The following USP4 variants were observed in gnomAD, a reference collection of about 807,000 sequenced individuals.
The protein encoded by USP4 is ubiquitin specific peptidase 4, also known as ubiquitin carboxyl-terminal hydrolase 4.
In USP4, 72 loss-of-function variants were observed where a neutral mutation model predicts 118.2. The ratio of observed to expected loss-of-function variants is 0.61; its 90% CI spans 0.50 to 0.74. The LOEUF is 0.74. USP4 is among the 30% of genes least tolerant of loss of function. The pLI, the probability that USP4 is intolerant of heterozygous loss-of-function variation, is 0.00. For missense variants in USP4, 1,037 were observed against 1,185.7 expected (o/e 0.87, Z 1.84); for synonymous variants, 415 against 440.4 (o/e 0.94, Z 0.72).
chr3:49,322,923 C>T (rs1339296998), intron 6 of USP4, among the ~76,000 whole-genome samples: 1 of 151,050 alleles, frequency 6.6e-6, no homozygotes, highest in African/African-American at 2.4e-5. Context: ...CAAATCTCTT[C>T]TCTCACTGTA....
At position 49,327,669 on chromosome 3, in the gene USP4, C is replaced by T; in HGVS notation, c.360+17G>A. ...TGCAGACAGTGACCAGCAGGTGGGA[C>T]AATTCACATAACTCACTTTTCTGAC... On this transcript the variant is annotated intron_variant, in intron 3 of 21. Transcript: ENST00000265560. The T allele has an allele frequency of 6.2e-7, 1 of 1,613,814 alleles. No individual in the cohort carries two copies. Among genetic ancestry groups the T allele is most frequent in the Non-Finnish European group, 8.5e-7 (1 of 1,179,816 alleles).
intron 6 of USP4, chr3:49,312,598 C>A (rs2047395390): frequency 5.2e-6 from 2 of 382,910 alleles, no homozygotes; most frequent in East Asian, 8.4e-5. Context: ...CCAGCCTGGG[C>A]AAAAAGAACG....
chr3:49,321,437 T>TA (rs1452987944), intron 6 of USP4, among the ~76,000 whole-genome samples: 1 of 152,130 alleles, frequency 6.6e-6, no homozygotes, highest in African/African-American at 2.4e-5. Context: ...TGGAATATTA[T>TA]AGATACTAGT....
chr3:49,289,562 G>A (rs2047130759), intron 15 of USP4, among the ~76,000 whole-genome samples: 1 of 152,088 alleles, frequency 6.6e-6, no homozygotes, highest in Non-Finnish European at 1.5e-5. Context: ...ATAACATTTC[G>A]GGCAAGAATA....
chr3:49,277,354 G>A lies in USP4; in HGVS notation c.*939C>T, dbSNP rs2046974464. 1.3e-6 allele frequency: 1 copy of A among 781,260 alleles called. No individual in the cohort carries two copies. The highest frequency in any genetic ancestry group is 7.3e-5 in the East Asian group (1 of 13,770). The allele number at this position is 781,260 out of a possible 1,614,324, so 48.4% of individuals were successfully genotyped here. ...CAGCGGCTGGCCCCGCGGTGGGAGT[G>A]GGGACGGGGCTTTCGAATGGGGGCC... is the stretch of plus-strand genomic sequence containing the variant. On this transcript the variant is annotated 3_prime_UTR_variant, in exon 22 of 22. Transcript: ENST00000265560.
At chr3:49,314,956 G>A (rs1475470837) in intron 6 of USP4, among the ~76,000 whole-genome samples, 1 of 151,996 alleles carries the variant, frequency 6.6e-6, no homozygotes, top group African/African-American at 2.4e-5. Context: ...ATTTCAGGGT[G>A]ATAGAAATTA....
intron 3 of USP4, 57 bp from the exon 4 acceptor site, chr3:49,325,902 A>G: frequency 3.1e-6 from 5 of 1,598,128 alleles, no homozygotes; most frequent in Non-Finnish European, 4.3e-6. Flanking sequence ...GCAGTCTTGG[A>G]TGTAGCATAT....
At chr3:49,278,790 A>C in intron 21 of USP4, 24 bp downstream of exon 21, 1 of 1,537,632 alleles carries the variant, frequency 6.5e-7, no homozygotes, top group Non-Finnish European at 8.9e-7. Flanking sequence ...CATGAGGAAG[A>C]ACCACATATC....
rs889283490 is a variant in USP4 at position 49,290,958 on chromosome 3, G to A, written c.1972+1552C>T. ...TGAACCACTGCACTCCAGACTGGGTGATAATCAAGACCCTACGCTTTTTTT... is the reference window on the plus strand; with the variant it reads ...TGAACCACTGCACTCCAGACTGGGTAATAATCAAGACCCTACGCTTTTTTT... On this transcript the variant is annotated intron_variant, in intron 15 of 21. Transcript: ENST00000265560. Among the ~76,000 whole-genome samples, 9 of 152,070 alleles carry A rather than the reference G, an allele frequency of 5.9e-5. No individual in the cohort carries two copies. The South Asian group carries it at 1.9e-3, about 32-fold the overall frequency.
rs2047180640 is a variant in USP4, at chr3:49,294,305, G to A, written c.1883+102C>T. 3 of 1,273,420 alleles carry A rather than the reference G, an allele frequency of 2.4e-6. No homozygotes were observed. In the South Asian group the frequency reaches 4.2e-5, roughly 18 times the overall value. 78.9% of individuals were successfully genotyped at this position (1,273,420 alleles called of 1,614,324 possible). A position where few individuals can be genotyped will look rare whatever the true frequency, so the allele number is the denominator to read the frequency against. ...CGGCAAATGCATTTCTTACAGAGGTGAGCATGTAGGATCAACACAGCCACT... is the reference window on the plus strand; with the variant it reads ...CGGCAAATGCATTTCTTACAGAGGTAAGCATGTAGGATCAACACAGCCACT... On this transcript the variant is annotated intron_variant, in intron 14 of 21. Transcript: ENST00000265560.
chr3:49,318,186 C>G (rs986790446), intron 6 of USP4: 2 of 367,232 alleles, frequency 5.4e-6, no homozygotes, highest in African/African-American at 2.2e-5. Flanking sequence ...CTAGGATGGT[C>G]TCAAACTCCT....
chr3:49,331,284 C>T lies in USP4; in HGVS notation c.230-3468G>A, dbSNP rs1196852387. On this transcript the variant is annotated intron_variant, in intron 2 of 21. Transcript: ENST00000265560. ...GTGGTGAGCCAAGATCGCACCATTGCACTCCAGCCTGGGCAAAAGAGCAAA... is the reference window on the plus strand; with the variant it reads ...GTGGTGAGCCAAGATCGCACCATTGTACTCCAGCCTGGGCAAAAGAGCAAA... Among the ~76,000 whole-genome samples, 3 of 151,550 alleles carry T rather than the reference C, an allele frequency of 2.0e-5. No individual in the cohort carries two copies. The East Asian group carries it at 5.8e-4, about 30-fold the overall frequency.
intron 15 of USP4, 128 bp from the exon 16 acceptor site, chr3:49,286,453 C>A: frequency 2.1e-6 from 2 of 932,252 alleles, no homozygotes; most frequent in Non-Finnish European, 3.2e-6. Context: ...TAAATCTATT[C>A]CTTTGCATTT....
chr3:49,284,529 A>G lies in USP4; in HGVS notation c.2327T>C (p.Val776Ala). The G allele has an allele frequency of 6.2e-7, 1 of 1,614,122 alleles. No individual in the cohort carries two copies. Among genetic ancestry groups the G allele is most frequent in the Non-Finnish European group, 8.5e-7 (1 of 1,180,020 alleles). The change falls in exon 18 of 22, where the codon GTG becomes GCG. Residue 776 changes from valine to alanine, a missense_variant. By Grantham distance (64) the Val-to-Ala change is moderately conservative. This residue lies in a region of USP4 where 522 missense variants were observed against 592.6 expected (regional missense o/e 0.88). Coordinates refer to ENST00000265560, the MANE Select transcript of USP4 (RefSeq NM_003363.4). ...GAGCTCGATGCAGTCTCTCAGGGCC[A>G]CTGTGGTCTTCTTCTTCTTCTGAGG... ...LQPQKKKKTTVALRDCIELFT... is the reference protein window; with the variant it reads ...LQPQKKKKTTAALRDCIELFT...
intron 2 of USP4, among the ~76,000 whole-genome samples, chr3:49,331,902 G>A (rs563662107): frequency 1.6e-3 from 237 of 151,050 alleles, no homozygotes; most frequent in Non-Finnish European, 2.7e-3. Context: ...AGAAGTCAAG[G>A]CAGACAGATC....
intron 13 of USP4, among the ~76,000 whole-genome samples, chr3:49,295,714 G>GCGCGCGCGCGCGCGCACA (rs149459963): frequency 3.4e-5 from 5 of 148,320 alleles, no homozygotes; most frequent in African/African-American, 1.0e-4. Context: ...GCGCGCGCGC[G>GCGCGCGCGCGCGCGCACA]CACACACACA....
At chr3:49,294,130 C>A (rs887082059) in intron 14 of USP4, among the ~76,000 whole-genome samples, 1 of 152,120 alleles carries the variant, frequency 6.6e-6, no homozygotes, top group African/African-American at 2.4e-5. Context: ...GGATTACAGG[C>A]ACCCACCAGC....
chr3:49,318,297 T>C, intron 6 of USP4: 5 of 984,924 alleles, frequency 5.1e-6, no homozygotes, highest in Non-Finnish European at 6.0e-6. Flanking sequence ...GTCAGAATAC[T>C]TGCTGCCTTA....
chr3:49,307,062 G>A (rs935927056), intron 8 of USP4, among the ~76,000 whole-genome samples: 7 of 152,112 alleles, frequency 4.6e-5, no homozygotes, highest in African/African-American at 7.2e-5. Context: ...GGGAGCCACC[G>A]CGCCCAGCCG....
Sources: gnomAD v4.1 joint callset for allele counts (sites outside exome capture counted in the v4.1 genomes callset) on GRCh38, gnomAD v4.1.1 for gene constraint, gnomAD v4.1.1 regional missense constraint, MANE v1.5 for transcripts, NCBI Gene and HGNC (gene_info 2026-07-23, HGNC 2026-07-21) for gene names.